Variants in DOCK10 observed in about 807,000 individuals in gnomAD.
The protein encoded by DOCK10 is dedicator of cytokinesis 10.
DOCK10 carries 145 observed loss-of-function variants against 280.1 expected under a neutral mutation model. The ratio of observed to expected loss-of-function variants is 0.52; its 90% CI spans 0.45 to 0.59. DOCK10 has a LOEUF of 0.59. Among genes scored for constraint, DOCK10 ranks in the 20% least tolerant of loss-of-function variants. The pLI is 0.00. For synonymous variants in DOCK10, 915 were observed against 942.2 expected (o/e 0.97, Z 0.53); for missense variants, 2,368 against 2,651.7 (o/e 0.89, Z 2.35).
chr2:224,888,592 T>A (rs1324738306), intron 4 of DOCK10, among the ~76,000 whole-genome samples: 2 of 152,084 alleles, frequency 1.3e-5, no homozygotes, highest in African/African-American at 4.8e-5. Flanking sequence ...CGTGTGTGAA[T>A]ATATATGTGT....
At chr2:224,823,420 T>C in intron 28 of DOCK10, 81 bp downstream of exon 28, 1 of 1,239,916 alleles carries the variant, frequency 8.1e-7, no homozygotes, top group Non-Finnish European at 1.1e-6. Flanking sequence ...TACATGAAGA[T>C]GTGAACTGAT....
intron 1 of DOCK10, among the ~76,000 whole-genome samples, chr2:224,993,209 T>A (rs2126272762): frequency 6.6e-6 from 1 of 152,074 alleles, no homozygotes; most frequent in Middle Eastern, 3.4e-3. Context: ...GAAGTTTTTT[T>A]TTTTTTTTTG....
chr2:224,839,564 A>C (rs1010558341), intron 24 of DOCK10, among the ~76,000 whole-genome samples: 2 of 152,208 alleles, frequency 1.3e-5, no homozygotes, highest in Non-Finnish European at 2.9e-5. Context: ...ATCTGGATGA[A>C]TCTCCAGAGA....
chr2:225,002,128 G>A (rs1706447127), intron 1 of DOCK10, among the ~76,000 whole-genome samples: 1 of 152,114 alleles, frequency 6.6e-6, no homozygotes, highest in Non-Finnish European at 1.5e-5. Context: ...GGGAGGAAAA[G>A]TGAGTTAGAG....
chr2:224,907,266 T>C (rs1358048488), intron 3 of DOCK10, among the ~76,000 whole-genome samples: 2 of 152,208 alleles, frequency 1.3e-5, no homozygotes, highest in Non-Finnish European at 2.9e-5. Context: ...ACATTATTTA[T>C]ACTTATAATT....
At chr2:225,006,063 G>A (rs539890379) in intron 1 of DOCK10, among the ~76,000 whole-genome samples, 4 of 152,278 alleles carry the variant, frequency 2.6e-5, no homozygotes, top group East Asian at 1.9e-4. Flanking sequence ...TTGGAGGGGT[G>A]AGTATGGATA....
At position 224,793,040 on chromosome 2, in the gene DOCK10, A is replaced by G. The variant is rs376617613; in HGVS notation, c.5245T>C (p.Ser1749Pro). ...GGGTGGGTATCCTCCGAGAGCAGGG[A>G]TGCTGTGCAAATCTTTTCCACTTTC... ...YWKVEKICTA[S>P]LLSEDTHPCD... The change falls in exon 47 of 56, where the codon TCC becomes CCC. Residue 1749 changes from serine to proline, a missense_variant. Around this residue, in one of 2 missense-constraint regions of DOCK10, gnomAD observed 1,159 missense variants for 1,400.8 expected, o/e 0.83. Transcript: ENST00000258390. 4.3e-6 allele frequency: 7 copies of G among 1,613,506 alleles called. No homozygotes were observed. In the African/African-American group the frequency reaches 9.3e-5, roughly 22 times the overall value.
At chr2:225,026,399 G>A (rs1196249549) in intron 1 of DOCK10, among the ~76,000 whole-genome samples, 1 of 152,158 alleles carries the variant, frequency 6.6e-6, no homozygotes, top group African/African-American at 2.4e-5. Context: ...TGAGAAGGCT[G>A]GAAGGAAACC....
intron 1 of DOCK10, among the ~76,000 whole-genome samples, chr2:225,014,081 A>ATATATATATAT (rs776104946): frequency 1.0e-5 from 1 of 96,800 alleles, no homozygotes; most frequent in African/African-American, 4.7e-5. Context: ...GTCTGAATAT[A>ATATATATATAT]TTGTTTTTTT....
At chr2:224,891,986 T>C (rs1253536393) in intron 4 of DOCK10, among the ~76,000 whole-genome samples, 1 of 152,190 alleles carries the variant, frequency 6.6e-6, no homozygotes, top group East Asian at 1.9e-4. Flanking sequence ...TGCAATAATG[T>C]CAACCACATA....
chr2:224,930,634 G>A (rs1702305717), intron 2 of DOCK10, among the ~76,000 whole-genome samples: 1 of 152,048 alleles, frequency 6.6e-6, no homozygotes, highest in East Asian at 1.9e-4. Context: ...GAGAGAAAAT[G>A]GAAGTTTGAG....
chr2:225,009,894 T>G (rs1452919827), intron 1 of DOCK10, among the ~76,000 whole-genome samples: 1 of 152,194 alleles, frequency 6.6e-6, no homozygotes, highest in Non-Finnish European at 1.5e-5. Context: ...CCCTCCTGCA[T>G]AGTTGAGGGA....
chr2:225,036,275 G>C (rs79434455), intron 1 of DOCK10, among the ~76,000 whole-genome samples: 1 of 152,082 alleles, frequency 6.6e-6, no homozygotes, highest in Non-Finnish European at 1.5e-5. Context: ...ATGGAGGAGA[G>C]AATATAACAC....
intron 15 of DOCK10, among the ~76,000 whole-genome samples, chr2:224,855,355 AT>A (rs1220096475): frequency 6.6e-6 from 1 of 152,244 alleles, no homozygotes; most frequent in Non-Finnish European, 1.5e-5. Flanking sequence ...ACAAGAGTAA[AT>A]TATAGAGTTT....
Position 224,816,647 on chromosome 2 carries a change from A to C in DOCK10, c.3334T>G (p.Cys1112Gly). 6.2e-7 allele frequency: 1 copy of C among 1,608,368 alleles called. No homozygotes were observed. Among genetic ancestry groups the C allele is most frequent in the Non-Finnish European group, 8.5e-7 (1 of 1,176,586 alleles). The change falls in exon 30 of 56, where the codon TGT (cysteine) becomes GGT (glycine). Residue 1112 changes from cysteine to glycine, a missense_variant. This residue lies in a region of DOCK10 where 1,159 missense variants were observed against 1,400.8 expected (regional missense o/e 0.83). Transcript: ENST00000258390. ...ATGTTTGCTGATCTTATGGGCAGAC[A>C]CAAAGGGATAAAGTGTTCATGTTGA... The part of the protein sequence containing the change: ...VCQHEHFIPL[C>G]LPIRSANIPD...
At chr2:224,921,109 A>AT (rs1559767727) in intron 2 of DOCK10, among the ~76,000 whole-genome samples, 82 of 79,674 alleles carry the variant, frequency 1.0e-3, no homozygotes, top group Middle Eastern at 5.5e-3. Context: ...AAAAAAAAAA[A>AT]AAAATATATA....
Position 224,796,337 on chromosome 2 carries a change from G to T in DOCK10, c.4917C>A (p.Ala1639=). The change falls in exon 44 of 56, where the codon GCC becomes GCA. Residue 1639 remains alanine (A), a synonymous_variant. Coordinates refer to ENST00000258390, the MANE Select transcript of DOCK10 (RefSeq NM_014689.3). ...QHSLAITNNF[A]NGDKQMKNSN... ...TTACTTTCATTTGCTTATCTCCATT[G>T]GCGAAATTATTGGTAATTGCAAGCG... The T allele has an allele frequency of 6.4e-7, 1 of 1,564,240 alleles. No individual in the cohort carries two copies. The highest frequency in any genetic ancestry group is 1.9e-5 in the Admixed American group (1 of 52,820).
chr2:224,945,910 C>T lies in DOCK10; in HGVS notation c.124-14242G>A, dbSNP rs138145961. Among the ~76,000 whole-genome samples, 3 of 152,220 alleles carry T rather than the reference C, an allele frequency of 2.0e-5. No homozygotes were observed. In the East Asian group the frequency reaches 5.8e-4, roughly 29 times the overall value. On this transcript the variant is annotated intron_variant, in intron 1 of 55. Transcript: ENST00000258390. The stretch of plus-strand genomic sequence containing the variant: ...AGCCAGGAATTTGCTAACCATCCTA[C>T]ACGGTACAGGATAGCCCCCCACAGA...
chr2:224,779,712 T>C (rs577356675), intron 50 of DOCK10, among the ~76,000 whole-genome samples: 1 of 152,388 alleles, frequency 6.6e-6, no homozygotes, highest in Admixed American at 6.5e-5. Flanking sequence ...TAAACTCACA[T>C]CTGTATGATG....
Sources: gnomAD v4.1 joint callset for allele counts (sites outside exome capture counted in the v4.1 genomes callset) on GRCh38, gnomAD v4.1.1 for gene constraint, gnomAD v4.1.1 regional missense constraint, MANE v1.5 for transcripts, NCBI Gene and HGNC (gene_info 2026-07-23, HGNC 2026-07-21) for gene names.